Variants in EXOC4 observed in about 807,000 individuals in gnomAD.
The protein encoded by EXOC4 is exocyst complex component 4.
Under a neutral mutation model 107.2 loss-of-function variants are expected in EXOC4, and 71 were observed. The observed-to-expected ratio is 0.66, with a 90% CI of 0.55 to 0.81. EXOC4 has a LOEUF of 0.81. Among genes scored for constraint, EXOC4 ranks in the 30% least tolerant of loss-of-function variants. The pLI is 0.00. For synonymous variants in EXOC4, 456 were observed against 441.2 expected (o/e 1.03, Z -0.42); for missense variants, 1,108 against 1,189.6 (o/e 0.93, Z 1.01).
intron 17 of EXOC4, among the ~76,000 whole-genome samples, chr7:134,037,836 C>A (rs1795426070): frequency 6.6e-6 from 1 of 152,048 alleles, no homozygotes; most frequent in Admixed American, 6.6e-5. Flanking sequence ...CAGTGATGTC[C>A]CAGGAGTTCT....
intron 10 of EXOC4, among the ~76,000 whole-genome samples, chr7:133,649,262 G>T (rs2151032697): frequency 6.6e-6 from 1 of 152,068 alleles, no homozygotes; most frequent in Non-Finnish European, 1.5e-5. Flanking sequence ...CATTAAACAT[G>T]CCTGAAGCTT....
intron 10 of EXOC4, 87 bp downstream of exon 10, chr7:133,630,228 A>AAG: frequency 2.0e-6 from 2 of 1,000,012 alleles, no homozygotes; most frequent in Non-Finnish European, 3.1e-6. Flanking sequence ...TTGAGTCAGC[A>AAG]CTGAAACAAG....
Position 133,389,848 on chromosome 7 carries a change from G to A in EXOC4, c.1182+14846G>A, listed in dbSNP as rs142733508. The stretch of plus-strand genomic sequence containing the variant: ...GGCTGGGCAGCCTCACAATCATGGC[G>A]GAACGCAAGGAGGAGTAAGTCACAT... On this transcript the variant is annotated intron_variant, in intron 7 of 17. Transcript: ENST00000253861. Among the ~76,000 whole-genome samples the A allele has an allele frequency of 1.1e-4, 16 of 150,824 alleles. 4 individuals carry two copies. The highest frequency in any genetic ancestry group is 3.2e-4 in the African/African-American group (13 of 40,898).
intron 9 of EXOC4, among the ~76,000 whole-genome samples, chr7:133,543,201 C>T (rs1800414267): frequency 6.6e-6 from 1 of 150,504 alleles, no homozygotes; most frequent in African/African-American, 2.5e-5. Context: ...ACAAAATATA[C>T]TTTGTGTATA....
intron 17 of EXOC4, among the ~76,000 whole-genome samples, chr7:134,043,594 A>G (rs1795575455): frequency 6.6e-6 from 1 of 151,252 alleles, no homozygotes; most frequent in Non-Finnish European, 1.5e-5. Flanking sequence ...GGTTTGGTGC[A>G]TTCAGGGTCC....
At chr7:134,046,876 TA>T (rs1585349715) in intron 17 of EXOC4, among the ~76,000 whole-genome samples, 1 of 152,102 alleles carries the variant, frequency 6.6e-6, no homozygotes, top group East Asian at 1.9e-4. Flanking sequence ...GGGGGAGCAT[TA>T]ACCCCCGTCA....
At chr7:133,694,119 C>T (rs185225604) in intron 10 of EXOC4, among the ~76,000 whole-genome samples, 46 of 152,062 alleles carry the variant, frequency 3.0e-4, no homozygotes, top group African/African-American at 1.1e-3. Flanking sequence ...CAAAAATTAG[C>T]TGGGCGTTGT....
At chr7:133,444,115 G>T (rs972613683) in intron 7 of EXOC4, among the ~76,000 whole-genome samples, 3 of 152,080 alleles carry the variant, frequency 2.0e-5, no homozygotes, top group African/African-American at 7.2e-5. Flanking sequence ...ATTGTGCATA[G>T]CCATGGGTTC....
chr7:133,627,222 G>A (rs968009700), intron 9 of EXOC4, among the ~76,000 whole-genome samples: 5 of 152,208 alleles, frequency 3.3e-5, no homozygotes, highest in Admixed American at 1.3e-4. Context: ...GGGGATAGAT[G>A]TGGGACCTAA....
intron 17 of EXOC4, among the ~76,000 whole-genome samples, chr7:134,021,498 A>G (rs1315350103): frequency 2.6e-5 from 4 of 152,134 alleles, no homozygotes; most frequent in Non-Finnish European, 5.9e-5. Flanking sequence ...TTAGCTCTTC[A>G]TCTCCATTGC....
intron 10 of EXOC4, among the ~76,000 whole-genome samples, chr7:133,731,509 A>G (rs890403165): frequency 2.6e-5 from 4 of 152,184 alleles, no homozygotes; most frequent in African/African-American, 7.2e-5. Context: ...TAGAACTACT[A>G]CTGTGATCTT....
intron 7 of EXOC4, among the ~76,000 whole-genome samples, chr7:133,405,363 A>G (rs1028166855): frequency 6.6e-6 from 1 of 152,182 alleles, no homozygotes; most frequent in African/African-American, 2.4e-5. Context: ...GTAAAGATAG[A>G]GATGTTGTAG....
intron 10 of EXOC4, among the ~76,000 whole-genome samples, chr7:133,745,677 T>C (rs959123798): frequency 2.6e-5 from 4 of 151,574 alleles, no homozygotes. Flanking sequence ...ATATTAATTA[T>C]GGTTTATTTT....
chr7:133,795,376 A>T (rs1451336958), intron 10 of EXOC4, among the ~76,000 whole-genome samples: 1 of 152,184 alleles, frequency 6.6e-6, no homozygotes, highest in African/African-American at 2.4e-5. Flanking sequence ...GGGAATGAAT[A>T]TTCATAATGA....
At chr7:133,418,821 A>G (rs573710004) in intron 7 of EXOC4, among the ~76,000 whole-genome samples, 5 of 152,204 alleles carry the variant, frequency 3.3e-5, no homozygotes, top group African/African-American at 1.2e-4. Flanking sequence ...TTGATTGGTC[A>G]GGTATTTTAT....
chr7:133,938,074 G>A lies in EXOC4; in HGVS notation c.2206+5G>A. The A allele has an allele frequency of 6.2e-7, 1 of 1,614,104 alleles. No individual in the cohort carries two copies. The highest frequency in any genetic ancestry group is 8.5e-7 in the Non-Finnish European group (1 of 1,179,976). On this transcript the variant is annotated splice_donor_5th_base_variant and intron_variant, in intron 14 of 17. Transcript: ENST00000253861. The stretch of plus-strand genomic sequence containing the variant: ...CCAATCTTTCTACATCCCAGAGTAA[G>A]TATCTAGTAGGAAGCTGTTGTGGGG...
At chr7:133,457,753 T>C (rs543806953) in intron 7 of EXOC4, among the ~76,000 whole-genome samples, 1 of 152,308 alleles carries the variant, frequency 6.6e-6, no homozygotes, top group East Asian at 1.9e-4. Context: ...CTTCCTCTTC[T>C]TTTTTCACCT....
At chr7:133,793,872 A>AT (rs71162029) in intron 10 of EXOC4, among the ~76,000 whole-genome samples, 1 of 150,630 alleles carries the variant, frequency 6.6e-6, no homozygotes, top group African/African-American at 2.4e-5. Context: ...AAATAAATAA[A>AT]ATGCCCTAAA....
rs191994143 is a variant in EXOC4 at position 133,682,015 on chromosome 7, G to A, written c.1514+51874G>A. The stretch of plus-strand genomic sequence containing the variant: ...AACTCCCAGGGTCCATCAATCCTCC[G>A]GCCTTAGCCTCCCAAGCTGGGACCA... On this transcript the variant is annotated intron_variant, in intron 10 of 17. Coordinates refer to ENST00000253861, the MANE Select transcript of EXOC4 (RefSeq NM_021807.4). Among the ~76,000 whole-genome samples the A allele has an allele frequency of 1.2e-4, 18 of 151,904 alleles. No homozygotes were observed. In the East Asian group the frequency reaches 2.3e-3, roughly 20 times the overall value.
Sources: allele counts gnomAD v4.1 joint callset (sites outside exome capture counted in the v4.1 genomes callset), GRCh38; gene constraint gnomAD v4.1.1; transcripts MANE v1.5; gene names NCBI Gene and HGNC (gene_info 2026-07-23, HGNC 2026-07-21).